HPSE2: variants seen among roughly 807,000 people sequenced by gnomAD.
HPSE2 encodes inactive heparanase-2.
In HPSE2, 38 loss-of-function variants were observed where a neutral mutation model predicts 60.5. The observed-to-expected ratio is 0.63, with a 90% CI of 0.48 to 0.82. The LOEUF is 0.82. Ranked by LOEUF, HPSE2 falls within the 40% of genes least tolerant of loss-of-function variation. The pLI, the probability that HPSE2 is intolerant of heterozygous loss-of-function variation, is 0.00. For synonymous variants in HPSE2, 295 were observed against 293.2 expected (o/e 1.01, Z -0.06); for missense variants, 713 against 740.4 (o/e 0.96, Z 0.43).
chr10:99,028,873 A>T (rs1250720870), intron 3 of HPSE2, among the ~76,000 whole-genome samples: 1 of 152,192 alleles, frequency 6.6e-6, no homozygotes, highest in Non-Finnish European at 1.5e-5. Flanking sequence ...TGCCAAGAAC[A>T]TACACTGGGG....
At chr10:99,132,454 G>A (rs1445540639) in intron 3 of HPSE2, among the ~76,000 whole-genome samples, 2 of 152,152 alleles carry the variant, frequency 1.3e-5, no homozygotes, top group African/African-American at 4.8e-5. Flanking sequence ...TTGCTGGCAA[G>A]ATGGCCGAAT....
intron 9 of HPSE2, among the ~76,000 whole-genome samples, chr10:98,517,199 TG>T (rs1554926104): frequency 2.6e-5 from 3 of 113,744 alleles, no homozygotes; most frequent in Admixed American, 1.8e-4. Context: ...GGGTGTGGGG[TG>T]GGGGGGGCGA....
chr10:99,146,365 G>A (rs1005608267), intron 2 of HPSE2, among the ~76,000 whole-genome samples: 1 of 152,188 alleles, frequency 6.6e-6, no homozygotes, highest in Non-Finnish European at 1.5e-5. Flanking sequence ...GCAGAAAAGG[G>A]TAGTTATGTA....
chr10:99,060,954 T>C (rs1958228134), intron 3 of HPSE2, among the ~76,000 whole-genome samples: 1 of 152,152 alleles, frequency 6.6e-6, no homozygotes, highest in African/African-American at 2.4e-5. Flanking sequence ...GGAATGGCAG[T>C]TGTTGGGGGT....
At chr10:98,514,711 G>GTT (rs35977879) in intron 9 of HPSE2, among the ~76,000 whole-genome samples, 10 of 67,708 alleles carry the variant, frequency 1.5e-4, no homozygotes, top group African/African-American at 5.2e-4. Flanking sequence ...TATATACTTT[G>GTT]TTTTTTTTTT....
At chr10:98,531,456 A>G (rs1414633758) in intron 9 of HPSE2, among the ~76,000 whole-genome samples, 1 of 152,224 alleles carries the variant, frequency 6.6e-6, no homozygotes, top group Non-Finnish European at 1.5e-5. Flanking sequence ...GGTGTCTTCC[A>G]GCCATCCACA....
chr10:99,270,981 T>C, the HPSE2 span, among the ~76,000 whole-genome samples: 1 of 152,152 alleles, frequency 6.6e-6, no homozygotes, highest in Non-Finnish European at 1.5e-5. Flanking sequence ...AGAAGGGACA[T>C]ACCTTAATAT....
At chr10:98,623,105 G>A (rs1946117131) in intron 7 of HPSE2, among the ~76,000 whole-genome samples, 1 of 151,888 alleles carries the variant, frequency 6.6e-6, no homozygotes, top group South Asian at 2.1e-4. Flanking sequence ...TGTGCTCTAA[G>A]ATAGATTTAA....
intron 5 of HPSE2, among the ~76,000 whole-genome samples, chr10:98,698,440 A>C (rs1338410545): frequency 6.6e-6 from 1 of 152,030 alleles, no homozygotes; most frequent in Non-Finnish European, 1.5e-5. Context: ...CTTTGAAACC[A>C]ACGAGAACAA....
At chr10:98,856,456 C>G (rs1233801235) in intron 3 of HPSE2, among the ~76,000 whole-genome samples, 1 of 151,782 alleles carries the variant, frequency 6.6e-6, no homozygotes, top group African/African-American at 2.4e-5. Flanking sequence ...TTCTGAAAAC[C>G]AAGGAAATAA....
chr10:98,664,378 C>G (rs1565060807), intron 6 of HPSE2, among the ~76,000 whole-genome samples: 1 of 152,090 alleles, frequency 6.6e-6, no homozygotes, highest in Non-Finnish European at 1.5e-5. Context: ...CAGGGCCTAC[C>G]TTCTTCTGCA....
chr10:99,070,791 G>A (rs1842763299), intron 3 of HPSE2, among the ~76,000 whole-genome samples: 1 of 152,132 alleles, frequency 6.6e-6, no homozygotes, highest in East Asian at 1.9e-4. Flanking sequence ...ATTTGACTTA[G>A]CATAATGTCC....
intron 3 of HPSE2, among the ~76,000 whole-genome samples, chr10:98,943,259 AAAAT>A (rs1231416255): frequency 2.4e-4 from 36 of 151,612 alleles, no homozygotes; most frequent in Non-Finnish European, 4.7e-4. Context: ...TTATAATAAA[AAAAT>A]AAATAAATAA....
At chr10:98,621,544 G>T (rs1946073989) in intron 7 of HPSE2, among the ~76,000 whole-genome samples, 1 of 152,178 alleles carries the variant, frequency 6.6e-6, no homozygotes, top group Non-Finnish European at 1.5e-5. Flanking sequence ...GCAGGAATGA[G>T]GGACTGGGGG....
chr10:99,192,075 T>G (rs1362224123), intron 2 of HPSE2, among the ~76,000 whole-genome samples: 2 of 152,114 alleles, frequency 1.3e-5, no homozygotes, highest in East Asian at 3.8e-4. Context: ...AAAAAAGAAT[T>G]TTTTAAAATG....
chr10:98,858,143 C>T (rs2134763996), intron 3 of HPSE2, among the ~76,000 whole-genome samples: 1 of 152,302 alleles, frequency 6.6e-6, no homozygotes, highest in East Asian at 1.9e-4. Flanking sequence ...TTGCCCAATG[C>T]TACAACAATG....
chr10:98,490,091 C>G lies in HPSE2; in HGVS notation c.1426G>C (p.Asp476His). ...CAGTGAGCATAAATCCTTAGTTTGT[C>G]CCGGATCACTCGGCCAGGCCGTGGC... ...RKPRPGRVIR[D>H]KLRIYAHCTN... Residue 476 changes from aspartate (D) to histidine (H), a missense_variant, in exon 10 of 12, where the codon GAC (aspartate) becomes CAC (histidine). Asp to His is a moderately conservative substitution (Grantham distance 81). Coordinates refer to ENST00000370552, the MANE Select transcript of HPSE2 (RefSeq NM_021828.5). 3.1e-6 allele frequency: 5 copies of G among 1,614,208 alleles called. No individual in the cohort carries two copies. The highest frequency in any genetic ancestry group is 4.2e-6 in the Non-Finnish European group (5 of 1,180,046).
chr10:98,987,864 A>C (rs1956408453), intron 3 of HPSE2, among the ~76,000 whole-genome samples: 1 of 151,920 alleles, frequency 6.6e-6, no homozygotes, highest in African/African-American at 2.4e-5. Context: ...ACAAACAGAG[A>C]GCCAAATCAT....
intron 3 of HPSE2, among the ~76,000 whole-genome samples, chr10:98,818,843 T>C (rs960957573): frequency 1.3e-5 from 2 of 152,204 alleles, no homozygotes; most frequent in Non-Finnish European, 2.9e-5. Flanking sequence ...ATGATGATCT[T>C]ACAATTCTAA....
Sources: gnomAD v4.1 joint callset for allele counts (sites outside exome capture counted in the v4.1 genomes callset) on GRCh38, gnomAD v4.1.1 for gene constraint, MANE v1.5 for transcripts, NCBI Gene and HGNC (gene_info 2026-07-23, HGNC 2026-07-21) for gene names.